UPRT: variants seen among roughly 807,000 people sequenced by gnomAD.
The protein encoded by UPRT is uracil phosphoribosyltransferase homolog.
UPRT carries 5 observed loss-of-function variants against 22.6 expected under a neutral mutation model. The observed-to-expected ratio is 0.22, with a 90% CI of 0.12 to 0.47. The LOEUF is 0.47. UPRT is among the 20% of genes least tolerant of loss of function. The pLI is 0.99. For synonymous variants in UPRT, 77 were observed against 87.7 expected (o/e 0.88, Z 0.68); for missense variants, 181 against 239.9 (o/e 0.75, Z 1.62).
intron 4 of UPRT, among the ~76,000 whole-genome samples, chrX:75,251,113 T>G (rs1357954252): frequency 9.0e-6 from 1 of 111,395 alleles, no homozygotes; most frequent in Non-Finnish European, 1.9e-5. Context: ...TCATACTAAA[T>G]GGACAAAAAC....
In UPRT at chrX:75,181,833, T is replaced by C. The variant is rs758962671; in HGVS notation, c.-447+13954T>C. Among the ~76,000 whole-genome samples the C allele has an allele frequency of 8.1e-5, 9 of 111,750 alleles. No individual in the cohort carries two copies. In the South Asian group the frequency reaches 3.4e-3, roughly 42 times the overall value. On this transcript the variant is annotated intron_variant, in intron 4 of 13. Transcript: ENST00000652605. Reference sequence around the variant, plus strand: ...TCCTCTCTTCCTATTTGAATGCCTTTTATTTTTTTCTCTTGCCTGATTGCT... The same window carrying C: ...TCCTCTCTTCCTATTTGAATGCCTTCTATTTTTTTCTCTTGCCTGATTGCT...
rs1555978640 is a variant in UPRT, at chrX:75,297,583, C to G, written c.562+30C>G. On this transcript the variant is annotated intron_variant, in intron 4 of 6. Transcript: ENST00000373383. The stretch of plus-strand genomic sequence containing the variant: ...GTTCACGTGTGTGTGATTTTTGTCT[C>G]TTTGTATGCATAGAAATGGTTGCTG... 25 of 1,192,160 alleles carry G rather than the reference C, an allele frequency of 2.1e-5. No homozygotes were observed. In the South Asian group the frequency reaches 4.1e-4, roughly 19 times the overall value.
intron 4 of UPRT, among the ~76,000 whole-genome samples, chrX:75,208,727 G>A (rs1321883638): frequency 9.0e-6 from 1 of 111,497 alleles, no homozygotes; most frequent in Non-Finnish European, 1.9e-5. Context: ...GCTTGTAAAA[G>A]TTTACAGGTA....
chrX:75,206,524 A>C (rs1278616181), intron 4 of UPRT, among the ~76,000 whole-genome samples: 1 of 111,340 alleles, frequency 9.0e-6, no homozygotes, highest in African/African-American at 3.3e-5. Flanking sequence ...TGCACATATG[A>C]AAGTACAGAA....
chrX:75,247,014 A>G (rs1370212600), intron 4 of UPRT, among the ~76,000 whole-genome samples: 1 of 112,065 alleles, frequency 8.9e-6, no homozygotes, highest in Non-Finnish European at 1.9e-5. Context: ...ATTTTTTAGC[A>G]TAATTAGTTG....
At position 75,253,625 on chromosome X, in the gene UPRT, C is replaced by T. The variant is rs139928591; in HGVS notation, c.-446-37399C>T. On this transcript the variant is annotated intron_variant, in intron 4 of 13. Coordinates refer to the UPRT transcript ENST00000652605. The stretch of plus-strand genomic sequence containing the variant: ...CAGAGCAGTGCGTGGAGCCTCAGAT[C>T]GTAAATTTTTCTAGAGGACCACTAC... Among the ~76,000 whole-genome samples the T allele has an allele frequency of 2.7e-4, 30 of 111,882 alleles. No homozygotes were observed. The East Asian group carries it at 7.1e-3, about 26-fold the overall frequency.
In UPRT at chrX:75,300,047, G is replaced by GT. The variant is rs1451469708; in HGVS notation, c.724+156dup. 4.9e-6 allele frequency: 3 copies of GT among 610,174 alleles called. No individual in the cohort carries two copies. In the African/African-American group the frequency reaches 6.8e-5, roughly 14 times the overall value. 50.3% of individuals were successfully genotyped at this position (610,174 alleles called of 1,213,427 possible). A position where few individuals can be genotyped will look rare whatever the true frequency, so the allele number is the denominator to read the frequency against. On this transcript the variant is annotated intron_variant, in intron 5 of 6. Coordinates refer to ENST00000373383, the MANE Select transcript of UPRT (RefSeq NM_145052.4). The stretch of plus-strand genomic sequence containing the variant: ...ACTGCCCCAGGCAGTTCACTGGAGA[G>GT]TTTTTATTGCATAATAAGAGAATAT...
intron 4 of UPRT, among the ~76,000 whole-genome samples, chrX:75,234,709 G>T (rs1367405308): frequency 1.8e-5 from 2 of 110,840 alleles, no homozygotes; most frequent in African/African-American, 6.6e-5. Context: ...CGAAATGAAG[G>T]CAGAAATAAA....
At chrX:75,187,668 T>C (rs369208781) in intron 4 of UPRT, among the ~76,000 whole-genome samples, 2 of 112,063 alleles carry the variant, frequency 1.8e-5, no homozygotes, top group Non-Finnish European at 3.8e-5. Context: ...ACCAATCAGA[T>C]GTAGATTTGG....
intron 5 of UPRT, 145 bp from the exon 6 acceptor site, chrX:75,300,722 G>A (rs2082741132): frequency 2.4e-6 from 1 of 422,561 alleles, no homozygotes; most frequent in Non-Finnish European, 4.0e-6. Context: ...GGGAGGTCAA[G>A]GCTGCAGTGG....
chrX:75,187,262 T>G (rs1192923989), intron 4 of UPRT, among the ~76,000 whole-genome samples: 5 of 111,223 alleles, frequency 4.5e-5, no homozygotes, highest in Non-Finnish European at 9.4e-5. Context: ...TAAAATATTT[T>G]ATTTCTCCTT....
At chrX:75,171,316 C>A (rs2082226792) in intron 4 of UPRT, among the ~76,000 whole-genome samples, 1 of 111,377 alleles carries the variant, frequency 9.0e-6, no homozygotes. Flanking sequence ...AAATCAAAAG[C>A]CTTGTCTTCG....
At chrX:75,276,796 G>T (rs1311912481) in intron 1 of UPRT, among the ~76,000 whole-genome samples, 1 of 111,571 alleles carries the variant, frequency 9.0e-6, no homozygotes, top group Admixed American at 9.5e-5. Flanking sequence ...TTTTAAGTAT[G>T]TTCACAGCTG....
chrX:75,280,182 T>C (rs2082649086), intron 1 of UPRT, among the ~76,000 whole-genome samples: 1 of 110,432 alleles, frequency 9.1e-6, no homozygotes, highest in African/African-American at 3.3e-5. Context: ...TATTAGTCCT[T>C]TGTCAGATGT....
intron 4 of UPRT, among the ~76,000 whole-genome samples, chrX:75,217,237 G>A (rs183066478): frequency 8.1e-5 from 9 of 110,910 alleles, no homozygotes; most frequent in Non-Finnish European, 1.3e-4. Context: ...GTTACGTAGC[G>A]TGATGCCTCC....
At chrX:75,274,775 G>GGTGTGTGTGTGTGT (rs201034223) in intron 1 of UPRT, 135 bp downstream of exon 1, 105 of 361,677 alleles carry the variant, frequency 2.9e-4, no homozygotes, top group African/African-American at 2.9e-3. Context: ...CCTTTTATTT[G>GGTGTGTGTGTGTGT]GTGTGTGTGT....
chrX:75,227,471 C>G (rs1460235671), intron 4 of UPRT, among the ~76,000 whole-genome samples: 2 of 111,094 alleles, frequency 1.8e-5, no homozygotes, highest in African/African-American at 3.3e-5. Context: ...TACATGGAAC[C>G]CTGGAGCCCT....
intron 1 of UPRT, among the ~76,000 whole-genome samples, chrX:75,286,075 A>T (rs2082678411): frequency 9.0e-6 from 1 of 110,883 alleles, no homozygotes; most frequent in Admixed American, 9.6e-5. Context: ...CCTTTGGTTA[A>T]AACCTGCCGG....
chrX:75,180,695 G>GTTTTTTTT (rs61040746), intron 4 of UPRT, among the ~76,000 whole-genome samples: 4 of 34,655 alleles, frequency 1.2e-4, no homozygotes, highest in African/African-American at 5.1e-4. Context: ...TTTTTTTTTT[G>GTTTTTTTT]TTTTTTTTTT....
Sources: allele counts gnomAD v4.1 joint callset (sites outside exome capture counted in the v4.1 genomes callset), GRCh38; gene constraint gnomAD v4.1.1; transcripts MANE v1.5; gene names NCBI Gene and HGNC (gene_info 2026-07-23, HGNC 2026-07-21).